PDE10A: variants seen among roughly 807,000 people sequenced by gnomAD.
PDE10A encodes phosphodiesterase 10A.
A neutral mutation model predicts 97.7 loss-of-function variants in PDE10A; 39 were observed. The observed-to-expected ratio is 0.40, with a 90% CI of 0.31 to 0.52. The LOEUF is 0.52. Ranked by LOEUF, PDE10A falls within the 20% of genes least tolerant of loss-of-function variation. The pLI is 0.56. For synonymous variants in PDE10A, 371 were observed against 376.8 expected, an observed-to-expected ratio of 0.98 and a Z score of 0.18; for missense variants, 731 against 1,047.8, an observed-to-expected ratio of 0.70 and a Z score of 4.17.
At chr6:165,642,948 G>C (rs1789210497) in intron 1 of PDE10A, among the ~76,000 whole-genome samples, 1 of 151,428 alleles carries the variant, frequency 6.6e-6, no homozygotes, top group Middle Eastern at 3.4e-3. Context: ...ACATATTTTT[G>C]TCAAAACCTG....
intron 1 of PDE10A, among the ~76,000 whole-genome samples, chr6:165,790,839 G>A (rs536510818): frequency 2.6e-5 from 4 of 152,160 alleles, no homozygotes; most frequent in African/African-American, 4.8e-5. Context: ...TTTTCCTAAC[G>A]TTTTTATTTG....
At chr6:165,374,144 TG>T (rs1784452979) in intron 18 of PDE10A, among the ~76,000 whole-genome samples, 1 of 149,672 alleles carries the variant, frequency 6.7e-6, no homozygotes, top group South Asian at 2.2e-4. Flanking sequence ...GACGAATTAA[TG>T]GGTGCAGCAC....
chr6:165,471,348 G>C lies in PDE10A; in HGVS notation c.1023+10967C>G, dbSNP rs187632107. On this transcript the variant is annotated intron_variant, in intron 3 of 21. Transcript: ENST00000539869. Reference sequence around the variant, plus strand: ...ACTCACCTGTCAAGTGATCTCATCTGGGTTCATGACTCTAGCTACTATCTG... The same window carrying C: ...ACTCACCTGTCAAGTGATCTCATCTCGGTTCATGACTCTAGCTACTATCTG... 7.9e-5 allele frequency among the ~76,000 whole-genome samples: 12 copies of C among 152,138 alleles called. No homozygotes were observed. In the East Asian group the frequency reaches 2.3e-3, roughly 29 times the overall value.
intron 1 of PDE10A, among the ~76,000 whole-genome samples, chr6:165,551,962 C>A (rs1784039999): frequency 1.3e-5 from 2 of 152,104 alleles, no homozygotes; most frequent in Admixed American, 1.3e-4. Flanking sequence ...CTCCAGCATG[C>A]CAAGCCCTTC....
At chr6:165,526,666 G>T (rs540321746) in intron 2 of PDE10A, among the ~76,000 whole-genome samples, 1 of 152,322 alleles carries the variant, frequency 6.6e-6, no homozygotes, top group Non-Finnish European at 1.5e-5. Flanking sequence ...ATTATCGTAA[G>T]CTTAACCAAG....
At chr6:165,361,112 T>C (rs518034) in intron 18 of PDE10A, among the ~76,000 whole-genome samples, 71,265 of 152,052 alleles carry the variant, frequency 0.47, 17,633 homozygotes, top group African/African-American at 0.64. Context: ...CATAATCTTA[T>C]GTGTGTACAG....
chr6:165,853,208 G>A (rs193236030), intron 1 of PDE10A, among the ~76,000 whole-genome samples: 245 of 152,294 alleles, frequency 1.6e-3, no homozygotes, highest in African/African-American at 5.7e-3. Context: ...TGCCTTTCAG[G>A]TTCTCATGGT....
At chr6:165,738,282 A>T (rs1285012076) in intron 1 of PDE10A, among the ~76,000 whole-genome samples, 1 of 151,424 alleles carries the variant, frequency 6.6e-6, no homozygotes, top group African/African-American at 2.4e-5. Context: ...TTGTTCTTGC[A>T]ATAGTTTACT....
chr6:165,620,301 T>A (rs953553623), intron 1 of PDE10A, among the ~76,000 whole-genome samples: 11 of 152,140 alleles, frequency 7.2e-5, no homozygotes, highest in African/African-American at 2.7e-4. Flanking sequence ...CCAGGCAGTA[T>A]CTGCACTGTG....
chr6:165,560,733 T>C (rs2128337335), intron 1 of PDE10A, among the ~76,000 whole-genome samples: 1 of 152,316 alleles, frequency 6.6e-6, no homozygotes, highest in South Asian at 2.1e-4. Flanking sequence ...AATCAATACT[T>C]TGTTTAGTGT....
At chr6:165,972,315 G>A (rs1784705116) in intron 1 of PDE10A, among the ~76,000 whole-genome samples, 1 of 151,894 alleles carries the variant, frequency 6.6e-6, no homozygotes, top group Non-Finnish European at 1.5e-5. Flanking sequence ...GCAGGTGGAC[G>A]GGGATTCTGC....
chr6:165,352,724 TA>T (rs1201393525), intron 18 of PDE10A, among the ~76,000 whole-genome samples: 1 of 151,634 alleles, frequency 6.6e-6, no homozygotes, highest in Non-Finnish European at 1.5e-5. Context: ...ATCACAACCT[TA>T]AATATAAAAC....
At chr6:165,698,875 T>C (rs928422852) in intron 1 of PDE10A, among the ~76,000 whole-genome samples, 2 of 151,412 alleles carry the variant, frequency 1.3e-5, no homozygotes, top group African/African-American at 4.9e-5. Context: ...CAAAAACAAA[T>C]AAATAAATAA....
intron 14 of PDE10A, among the ~76,000 whole-genome samples, 154 bp downstream of exon 14, chr6:165,396,163 T>A (rs1045092787): frequency 1.3e-5 from 2 of 152,168 alleles, no homozygotes; most frequent in Non-Finnish European, 2.9e-5. Context: ...TCATAATATC[T>A]GGAATCACTT....
At chr6:165,824,936 G>C (rs552699107) in intron 1 of PDE10A, among the ~76,000 whole-genome samples, 1 of 140,738 alleles carries the variant, frequency 7.1e-6, no homozygotes, top group African/African-American at 2.7e-5. Flanking sequence ...TTTGAGACGA[G>C]CCTGGCCAAC....
chr6:165,767,793 A>G (rs779369805), intron 1 of PDE10A, among the ~76,000 whole-genome samples: 3 of 152,202 alleles, frequency 2.0e-5, no homozygotes, highest in Non-Finnish European at 4.4e-5. Flanking sequence ...TATAGCTCGT[A>G]GTGGAATTGC....
intron 1 of PDE10A, among the ~76,000 whole-genome samples, chr6:165,973,420 A>T (rs932083947): frequency 2.0e-5 from 3 of 147,254 alleles, no homozygotes; most frequent in African/African-American, 5.1e-5. Context: ...CCTCAAAAAA[A>T]AAAAAAATAA....
intron 1 of PDE10A, among the ~76,000 whole-genome samples, chr6:165,839,855 C>CTACAA (rs1780178545): frequency 1.6e-4 from 19 of 117,092 alleles, no homozygotes; most frequent in African/African-American, 2.2e-4. Flanking sequence ...TCATCTCCAT[C>CTACAA]CCTGTCTCCA....
intron 2 of PDE10A, among the ~76,000 whole-genome samples, chr6:165,499,462 A>T (rs772980067): frequency 6.6e-6 from 1 of 152,246 alleles, no homozygotes; most frequent in African/African-American, 2.4e-5. Context: ...AATAGTCCAC[A>T]ATGTTCAGCA....
Sources: gnomAD v4.1 joint callset for allele counts (sites outside exome capture counted in the v4.1 genomes callset) on GRCh38, gnomAD v4.1.1 for gene constraint, MANE v1.5 for transcripts, NCBI Gene and HGNC (gene_info 2026-07-23, HGNC 2026-07-21) for gene names.